PPHLN1: variants seen among roughly 807,000 people sequenced by gnomAD.
The protein encoded by PPHLN1 is periphilin 1.
Under a neutral mutation model 51.3 loss-of-function variants are expected in PPHLN1, and 29 were observed. The ratio of observed to expected loss-of-function variants is 0.57; its 90% CI spans 0.42 to 0.77. The LOEUF is 0.77. Among genes scored for constraint, PPHLN1 ranks in the 30% least tolerant of loss-of-function variants. The pLI, the probability that PPHLN1 is intolerant of heterozygous loss-of-function variation, is 0.00. For missense variants in PPHLN1, 436 were observed against 438.4 expected (o/e 0.99, Z 0.05); for synonymous variants, 147 against 147.8 (o/e 0.99, Z 0.04).
chr12:42,385,455 A>T (rs2077115378), intron 6 of PPHLN1, among the ~76,000 whole-genome samples: 1 of 152,202 alleles, frequency 6.6e-6, no homozygotes, highest in Non-Finnish European at 1.5e-5. Context: ...AAATTGGTTG[A>T]TAACGACTTA....
At chr12:42,395,447 A>G (rs1176841424) in intron 8 of PPHLN1, among the ~76,000 whole-genome samples, 2 of 152,140 alleles carry the variant, frequency 1.3e-5, no homozygotes, top group Non-Finnish European at 2.9e-5. Flanking sequence ...GAAATTTTTG[A>G]GATAATTTTT....
intron 1 of PPHLN1, among the ~76,000 whole-genome samples, chr12:42,333,395 T>G (rs2070082454): frequency 6.6e-6 from 1 of 152,190 alleles, no homozygotes; most frequent in South Asian, 2.1e-4. Context: ...TCAAAGCATA[T>G]GTGTTTTTAA....
At position 42,393,696 on chromosome 12, in the gene PPHLN1, C is replaced by T; in HGVS notation, c.768+7C>T. ...TGAAATTTCTGAGTATGAGGTAAGG[C>T]ATAATGTCTCCTTTATGTTTCACAT... On this transcript the variant is annotated splice_region_variant and intron_variant, in intron 8 of 9. Coordinates refer to ENST00000358314, the MANE Select transcript of PPHLN1 (RefSeq NM_201439.2). 1 of 1,580,368 alleles carries T rather than the reference C, an allele frequency of 6.3e-7. No homozygotes were observed. The highest frequency in any genetic ancestry group is 8.5e-7 in the Non-Finnish European group (1 of 1,169,790).
At chr12:42,338,883 A>G (rs369359584) in intron 2 of PPHLN1, among the ~76,000 whole-genome samples, 1 of 152,228 alleles carries the variant, frequency 6.6e-6, no homozygotes, top group Non-Finnish European at 1.5e-5. Flanking sequence ...TAAAAAATAC[A>G]GATGTATTTG....
chr12:42,442,703 G>A (rs910021450), downstream of PPHLN1: 6 of 1,614,044 alleles, frequency 3.7e-6, no homozygotes, highest in South Asian at 3.3e-5. Flanking sequence ...GGATCACGAC[G>A]GAACCCCCGA....
chr12:42,419,386 C>T (rs189764881), intron 9 of PPHLN1, among the ~76,000 whole-genome samples: 1 of 65,832 alleles, frequency 1.5e-5, no homozygotes, highest in East Asian at 5.0e-4. Flanking sequence ...GGATTACAGG[C>T]ACCCACCACC....
chr12:42,428,205 T>TC (rs2139806962), intron 9 of PPHLN1, among the ~76,000 whole-genome samples: 1 of 152,312 alleles, frequency 6.6e-6, no homozygotes, highest in African/African-American at 2.4e-5. Context: ...GTGTGGAGAT[T>TC]CCTTAAAGAA....
intron 4 of PPHLN1, among the ~76,000 whole-genome samples, chr12:42,359,940 T>C (rs2074437350): frequency 6.6e-6 from 1 of 151,838 alleles, no homozygotes; most frequent in Non-Finnish European, 1.5e-5. Context: ...AAACCTTGTC[T>C]CCACAAAAAA....
intron 9 of PPHLN1, chr12:42,432,049 A>C: frequency 6.4e-7 from 1 of 1,561,352 alleles, no homozygotes; most frequent in Admixed American, 1.7e-5. Flanking sequence ...GAACTGATGG[A>C]GGATTTGCCA....
At chr12:42,334,298 A>T (rs767632581) in intron 1 of PPHLN1, among the ~76,000 whole-genome samples, 5 of 152,172 alleles carry the variant, frequency 3.3e-5, no homozygotes, top group Non-Finnish European at 5.9e-5. Context: ...TTTCTCTTGA[A>T]TGTGTGTCTT....
intron 5 of PPHLN1, 141 bp downstream of exon 5, chr12:42,375,215 T>C (rs2076153644): frequency 7.6e-6 from 5 of 660,768 alleles, no homozygotes; most frequent in African/African-American, 7.3e-5. Flanking sequence ...GAAAAGATGG[T>C]AGAATAGTAT....
chr12:42,374,808 G>T, intron 4 of PPHLN1, 55 bp from the exon 5 acceptor site: 6 of 1,391,224 alleles, frequency 4.3e-6, no homozygotes, highest in Non-Finnish European at 5.9e-6. Context: ...CATTGTGCTT[G>T]TATATAGAGG....
intron 3 of PPHLN1, among the ~76,000 whole-genome samples, chr12:42,353,635 A>G (rs139876655): frequency 5.2e-4 from 79 of 152,236 alleles, no homozygotes; most frequent in Admixed American, 3.9e-4. Flanking sequence ...CCTCATATTT[A>G]TTACATTTTT....
At chr12:42,418,105 A>AATTTTTTGT (rs2080608247) in intron 9 of PPHLN1, among the ~76,000 whole-genome samples, 1 of 150,466 alleles carries the variant, frequency 6.6e-6, no homozygotes, top group Non-Finnish European at 1.5e-5. Flanking sequence ...AAGCCCAGCT[A>AATTTTTTGT]ATTTTTTGTA....
chr12:42,362,034 A>T (rs1311096716), intron 4 of PPHLN1, among the ~76,000 whole-genome samples: 1 of 152,124 alleles, frequency 6.6e-6, no homozygotes, highest in Non-Finnish European at 1.5e-5. Context: ...GTTCTTGCCA[A>T]TGCTTGTTAT....
intron 4 of PPHLN1, among the ~76,000 whole-genome samples, chr12:42,374,304 C>G (rs1271198807): frequency 6.6e-6 from 1 of 152,096 alleles, no homozygotes; most frequent in Non-Finnish European, 1.5e-5. Flanking sequence ...AATAAAATAA[C>G]TTTTGCATTA....
chr12:42,350,025 G>A (rs954311943), intron 2 of PPHLN1, among the ~76,000 whole-genome samples: 7 of 150,730 alleles, frequency 4.6e-5, no homozygotes, highest in South Asian at 2.1e-4. Flanking sequence ...GGGTGGCCGG[G>A]CAGAGGCGCC....
chr12:42,405,718 G>C (rs988967868), intron 9 of PPHLN1, among the ~76,000 whole-genome samples: 10 of 152,170 alleles, frequency 6.6e-5, no homozygotes, highest in Non-Finnish European at 1.5e-4. Context: ...TGGTCTGCCT[G>C]AAAGCCAAAT....
chr12:42,352,033 G>T lies in PPHLN1; in HGVS notation c.221G>T (p.Gly74Val). ...AGTTTTTCTCATGATCGAAGAAGTG[G>T]TCCACCTCACAGAGGAGTATGTAAA... ...GRSFSHDRRS[G>V]PPHRGDESGY... The change falls in exon 3 of 10, where the codon GGT (glycine) becomes GTT (valine). Residue 74 changes from glycine to valine, a missense_variant. By Grantham distance (109) the Gly-to-Val change is moderately radical. Coordinates refer to ENST00000358314, the MANE Select transcript of PPHLN1 (RefSeq NM_201439.2). 1 of 1,531,860 alleles carries T rather than the reference G, an allele frequency of 6.5e-7. No homozygotes were observed. Among genetic ancestry groups the T allele is most frequent in the Non-Finnish European group, 8.7e-7 (1 of 1,145,598 alleles). 94.9% of individuals were successfully genotyped at this position (1,531,860 alleles called of 1,614,324 possible).
Sources: allele counts gnomAD v4.1 joint callset (sites outside exome capture counted in the v4.1 genomes callset), GRCh38; gene constraint gnomAD v4.1.1; transcripts MANE v1.5; gene names NCBI Gene and HGNC (gene_info 2026-07-23, HGNC 2026-07-21).